ZNF740: variants seen among roughly 807,000 people sequenced by gnomAD.
ZNF740 encodes oriLyt TD-element-binding protein 7.
In ZNF740, 14 loss-of-function variants were observed where a neutral mutation model predicts 24.8. That is an observed-to-expected ratio of 0.56 (90% CI 0.37 to 0.88). The LOEUF is 0.88. Among genes scored for constraint, ZNF740 ranks in the 40% least tolerant of loss-of-function variants. The pLI is 0.00. For synonymous variants in ZNF740, 69 were observed against 84.0 expected (o/e 0.82, Z 0.98); for missense variants, 201 against 247.9 (o/e 0.81, Z 1.27).
In ZNF740 at chr12:53,193,995, T is replaced by C. The variant is rs1326560130; in HGVS notation, c.*6405T>C. On this transcript the variant is annotated 3_prime_UTR_variant, in exon 7 of 7. Coordinates refer to ENST00000416904, the MANE Select transcript of ZNF740 (RefSeq NM_001004304.4). ...ATCCAGAACCTCACCCCTTAGTAAA[T>C]GAAGGGATGGGGTCATGTTAACACC... 6.2e-5 allele frequency: 83 copies of C among 1,346,664 alleles called. No homozygotes were observed. The South Asian group carries it at 1.1e-3, about 18-fold the overall frequency. 83.4% of individuals were successfully genotyped at this position (1,346,664 alleles called of 1,614,324 possible). A position where few individuals can be genotyped will look rare whatever the true frequency, so the allele number is the denominator to read the frequency against.
rs936359958 is a variant in ZNF740, at chr12:53,185,449, C to T, written c.222C>T (p.Ala74=). The part of the protein sequence containing the change: ...SRKDDDSLSE[A]SHSKKTVKKV... ...AAGATGATGACAGCTTGTCTGAGGC[C>T]TCTCATTCAAAAAAGACTGTTAAAA... Residue 74 remains alanine, a synonymous_variant, in exon 4 of 7, where the codon GCC becomes GCT. Coordinates refer to ENST00000416904, the MANE Select transcript of ZNF740 (RefSeq NM_001004304.4). 6.2e-7 allele frequency: 1 copy of T among 1,613,898 alleles called. No homozygotes were observed. Among genetic ancestry groups the T allele is most frequent in the East Asian group, 2.2e-5 (1 of 44,878 alleles).
intron 1 of ZNF740, 181 bp from the exon 2 acceptor site, chr12:53,181,496 C>T: frequency 2.0e-6 from 2 of 985,350 alleles, no homozygotes; most frequent in Non-Finnish European, 2.4e-6. Context: ...CTCCTGTTGG[C>T]TTCCACTCCT....
In ZNF740 at chr12:53,193,875, G is replaced by A. The variant is rs778633790; in HGVS notation, c.*6285G>A. 3.7e-6 allele frequency: 6 copies of A among 1,613,216 alleles called. No homozygotes were observed. In the South Asian group the frequency reaches 6.6e-5, roughly 18 times the overall value. On this transcript the variant is annotated 3_prime_UTR_variant, in exon 7 of 7. Transcript: ENST00000416904. ...GATGGGGCTCTGGGAGGCAGTGGGT[G>A]GCTTGGAGAGAAACCCAGAAAGTCA...
Position 53,181,712 on chromosome 12 carries a change from T to C in ZNF740, c.-272T>C. ...CAGATCGTGAGCTTCATCAAGAGAA[T>C]TCAACTGGAAAACCAAGACTGGTAG... On this transcript the variant is annotated 5_prime_UTR_variant, in exon 2 of 7. Transcript: ENST00000416904. The C allele has an allele frequency of 2.1e-6, 1 of 483,382 alleles. No homozygotes were observed. The highest frequency in any genetic ancestry group is 3.3e-5 in the South Asian group (1 of 30,360). 29.9% of individuals were successfully genotyped at this position (483,382 alleles called of 1,614,324 possible). A position where few individuals can be genotyped will look rare whatever the true frequency, so the allele number is the denominator to read the frequency against.
Position 53,181,875 on chromosome 12 carries a change from AG to A in ZNF740, c.-107del. On this transcript the variant is annotated 5_prime_UTR_variant, in exon 2 of 7. The change creates a premature stop within an existing upstream ORF in the 5' untranslated region. Coordinates refer to ENST00000416904, the MANE Select transcript of ZNF740 (RefSeq NM_001004304.4). ...TGGCAACAGGACTGATGGGACACGA[AG>A]GAGTCGCTACCGTGATTTGGTGACA... 7.2e-7 allele frequency: 1 copy of A among 1,396,594 alleles called. No homozygotes were observed. Among genetic ancestry groups the A allele is most frequent in the Non-Finnish European group, 9.9e-7 (1 of 1,008,702 alleles). 86.5% of individuals were successfully genotyped at this position (1,396,594 alleles called of 1,614,324 possible).
chr12:53,181,237 C>A, intron 1 of ZNF740: 1 of 985,472 alleles, frequency 1.0e-6, no homozygotes, highest in Non-Finnish European at 1.2e-6. Context: ...TTCGGGCGGA[C>A]GGGGAGAACG....
chr12:53,185,505 A>G, intron 4 of ZNF740, 29 bp downstream of exon 4: 7 of 1,587,940 alleles, frequency 4.4e-6, no homozygotes, highest in Non-Finnish European at 6.1e-6. Context: ...CCCCAAACTC[A>G]TACAGTTTGG....
Position 53,192,400 on chromosome 12 carries a change from G to A in ZNF740, c.*4810G>A. The A allele has an allele frequency of 1.2e-6, 2 of 1,614,104 alleles. No individual in the cohort carries two copies. The highest frequency in any genetic ancestry group is 1.7e-6 in the Non-Finnish European group (2 of 1,180,032). ...CCTCCACCAAGAAGAAGAACAGCTG[G>A]TTGTCCAGGGTCCGCTCTTTGCACC... On this transcript the variant is annotated 3_prime_UTR_variant, in exon 7 of 7. Transcript: ENST00000416904.
rs1941866812 is a variant in ZNF740, at chr12:53,188,513, TTCTC to T, written c.*928_*931del. ...AAGGAGTCATGGAAGTCAAAGTGGG[TTCTC>T]TCTCCTTGTGCCCTCTTAGGAACAA... On this transcript the variant is annotated 3_prime_UTR_variant, in exon 7 of 7. Coordinates refer to ENST00000416904, the MANE Select transcript of ZNF740 (RefSeq NM_001004304.4). The T allele has an allele frequency of 6.6e-6, 1 of 152,536 alleles. No individual in the cohort carries two copies. The highest frequency in any genetic ancestry group is 1.5e-5 in the Non-Finnish European group (1 of 68,034). 9.4% of individuals were successfully genotyped at this position (152,536 alleles called of 1,614,324 possible). A position where few individuals can be genotyped will look rare whatever the true frequency, so the allele number is the denominator to read the frequency against.
chr12:53,186,683 A>T (rs1463485718), intron 6 of ZNF740, 174 bp downstream of exon 6: 10 of 547,734 alleles, frequency 1.8e-5, no homozygotes, highest in Non-Finnish European at 2.6e-5. Context: ...GGGGAGCAGC[A>T]ATTAGAACAT....
intron 2 of ZNF740, among the ~76,000 whole-genome samples, chr12:53,182,944 T>A (rs752131034): frequency 3.9e-5 from 6 of 152,178 alleles, no homozygotes; most frequent in Non-Finnish European, 5.9e-5. Context: ...GCTGTTGTAG[T>A]CATCTGAGTA....
rs905322357 is a variant in ZNF740, at chr12:53,192,504, G to A, written c.*4914G>A. ...GCTGTACTGCAGTTGGTGGCCAGTG[G>A]GCCAGTCCTGAAGGCCCCACACTCT... is the stretch of plus-strand genomic sequence containing the variant. On this transcript the variant is annotated 3_prime_UTR_variant, in exon 7 of 7. Transcript: ENST00000416904. The A allele has an allele frequency of 6.2e-7, 1 of 1,614,148 alleles. No homozygotes were observed. Among genetic ancestry groups the A allele is most frequent in the Non-Finnish European group, 8.5e-7 (1 of 1,180,018 alleles).
rs144712728 is a variant in ZNF740, at chr12:53,183,948, A to G, written c.10-943A>G. Among the ~76,000 whole-genome samples the G allele has an allele frequency of 7.6e-3, 1,154 of 152,116 alleles. 53 individuals carry two copies. The highest frequency in any genetic ancestry group is 0.064 in the Admixed American group (983 of 15,292). ...TAGAGGTAGAAGGATCGCTTAAGCC[A>G]GGGAGGTCAAGAGTGCAGTGAGCCG... is the stretch of plus-strand genomic sequence containing the variant. On this transcript the variant is annotated intron_variant, in intron 2 of 6. Transcript: ENST00000416904.
In ZNF740 at chr12:53,193,872, G is replaced by A; in HGVS notation, c.*6282G>A. On this transcript the variant is annotated 3_prime_UTR_variant, in exon 7 of 7. Transcript: ENST00000416904. Reference sequence around the variant, plus strand: ...GGAGATGGGGCTCTGGGAGGCAGTGGGTGGCTTGGAGAGAAACCCAGAAAG... The same window carrying A: ...GGAGATGGGGCTCTGGGAGGCAGTGAGTGGCTTGGAGAGAAACCCAGAAAG... 2 of 1,613,656 alleles carry A rather than the reference G, an allele frequency of 1.2e-6. No individual in the cohort carries two copies. Among genetic ancestry groups the A allele is most frequent in the African/African-American group, 1.3e-5 (1 of 74,956 alleles).
intron 3 of ZNF740, 91 bp from the exon 4 acceptor site, chr12:53,185,296 T>A: frequency 7.1e-7 from 1 of 1,399,100 alleles, no homozygotes; most frequent in Non-Finnish European, 1.0e-6. Flanking sequence ...GGTGGTTTAC[T>A]CTCATTTATG....
chr12:53,193,256 C>T lies in ZNF740; in HGVS notation c.*5666C>T. The T allele has an allele frequency of 6.2e-7, 1 of 1,614,120 alleles. No homozygotes were observed. Among genetic ancestry groups the T allele is most frequent in the Non-Finnish European group, 8.5e-7 (1 of 1,179,954 alleles). On this transcript the variant is annotated 3_prime_UTR_variant, in exon 7 of 7. Coordinates refer to ENST00000416904, the MANE Select transcript of ZNF740 (RefSeq NM_001004304.4). ...ACATTGACAGTGACCCTTTCCACTG[C>T]ACAGGGGCCCTGTGCCATTGGGAGC...
In ZNF740 at chr12:53,185,045, A is replaced by G; in HGVS notation, c.159+5A>G. On this transcript the variant is annotated splice_donor_5th_base_variant and intron_variant, in intron 3 of 6. Transcript: ENST00000416904. ...GTGCTGAGGTGCTCGAGTCAGGTAC[A>G]GCGCTTGAGTCCATTGTGGCACCTG... 6.2e-7 allele frequency: 1 copy of G among 1,613,700 alleles called. No individual in the cohort carries two copies. The highest frequency in any genetic ancestry group is 8.5e-7 in the Non-Finnish European group (1 of 1,179,774).
At chr12:53,186,107 G>A (rs768034291) in intron 5 of ZNF740, 30 bp downstream of exon 5, 7 of 1,602,852 alleles carry the variant, frequency 4.4e-6, no homozygotes, top group Non-Finnish European at 6.0e-6. Flanking sequence ...TCAAAAGGGG[G>A]AGAATAGTCT....
At chr12:53,186,199 A>C in intron 5 of ZNF740, 122 bp downstream of exon 5, 1 of 1,345,654 alleles carries the variant, frequency 7.4e-7, no homozygotes, top group South Asian at 1.5e-5. Flanking sequence ...GAAGAAGATA[A>C]GTCAATGAAG....
Sources: allele counts gnomAD v4.1 joint callset (sites outside exome capture counted in the v4.1 genomes callset), GRCh38; gene constraint gnomAD v4.1.1; transcripts MANE v1.5; gene names NCBI Gene and HGNC (gene_info 2026-07-23, HGNC 2026-07-21).